Variants in IDE observed in about 807,000 individuals in gnomAD.
IDE encodes insulin degrading enzyme, also known as insulin-degrading enzyme.
Under a neutral mutation model 133.2 loss-of-function variants are expected in IDE, and 58 were observed. That is an observed-to-expected ratio of 0.44 (90% CI 0.35 to 0.54). The LOEUF is 0.54. IDE is among the 20% of genes least tolerant of loss of function. IDE has a pLI of 0.00. For missense variants in IDE, 981 were observed against 1,234.0 expected (o/e 0.79, Z 3.07); for synonymous variants, 396 against 421.3 (o/e 0.94, Z 0.73).
intron 4 of IDE, among the ~76,000 whole-genome samples, chr10:92,529,694 G>A (rs912876050): frequency 6.6e-6 from 1 of 152,046 alleles, no homozygotes. Context: ...GGTCAACATA[G>A]TGAGACCCCA....
intron 9 of IDE, 133 bp from the exon 10 acceptor site, chr10:92,506,655 G>A (rs1848307921): frequency 2.1e-6 from 1 of 474,042 alleles, no homozygotes; most frequent in Non-Finnish European, 3.7e-6. Context: ...CTGAAAAAAT[G>A]GCTATGCTTG....
chr10:92,542,308 C>T (rs1012832093), intron 1 of IDE, among the ~76,000 whole-genome samples: 2 of 152,238 alleles, frequency 1.3e-5, no homozygotes, highest in African/African-American at 4.8e-5. Context: ...GCACTCACCA[C>T]CGTACCCAGC....
chr10:92,497,379 C>G (rs989754477), intron 11 of IDE, among the ~76,000 whole-genome samples: 5 of 152,158 alleles, frequency 3.3e-5, no homozygotes, highest in African/African-American at 1.2e-4. Flanking sequence ...GTTCCCCATC[C>G]TTGGAAGAAG....
intron 1 of IDE, chr10:92,554,861 A>C (rs1371754717): frequency 6.6e-6 from 1 of 152,230 alleles, no homozygotes; most frequent in Non-Finnish European, 1.5e-5. Context: ...ATCTCAAAAA[A>C]AAAACAAACA....
chr10:92,567,398 C>A (rs887439646), intron 1 of IDE, among the ~76,000 whole-genome samples: 2 of 152,172 alleles, frequency 1.3e-5, no homozygotes, highest in Admixed American at 6.6e-5. Flanking sequence ...AATAACTAAA[C>A]TCTGCTGAAT....
intron 1 of IDE, among the ~76,000 whole-genome samples, chr10:92,564,998 C>A (rs922173192): frequency 6.6e-6 from 1 of 151,916 alleles, no homozygotes; most frequent in African/African-American, 2.4e-5. Flanking sequence ...GTAATCCCAG[C>A]ACTTTGGGAG....
At chr10:92,483,376 G>T (rs764725480) in intron 13 of IDE, 39 bp from the exon 14 acceptor site, 2 of 1,084,626 alleles carry the variant, frequency 1.8e-6, no homozygotes, top group Non-Finnish European at 2.8e-6. Context: ...AAATAGAGGC[G>T]CATTCAGCAA....
intron 1 of IDE, among the ~76,000 whole-genome samples, chr10:92,550,856 G>A (rs746958642): frequency 1.4e-4 from 22 of 152,142 alleles, no homozygotes; most frequent in Non-Finnish European, 2.8e-4. Flanking sequence ...GCAACAGAGC[G>A]AGACTCGGTC....
At chr10:92,568,851 C>T (rs914974679) in intron 1 of IDE, among the ~76,000 whole-genome samples, 2 of 151,504 alleles carry the variant, frequency 1.3e-5, no homozygotes, top group African/African-American at 4.9e-5. Flanking sequence ...ATAACAATAC[C>T]TTTACAGGGG....
At chr10:92,536,483 G>C (rs1449991941) in intron 2 of IDE, among the ~76,000 whole-genome samples, 1 of 151,106 alleles carries the variant, frequency 6.6e-6, no homozygotes, top group African/African-American at 2.4e-5. Context: ...CAGATCACCT[G>C]AGGTCAGGAG....
At chr10:92,565,414 A>G (rs1452807426) in intron 1 of IDE, among the ~76,000 whole-genome samples, 1 of 150,834 alleles carries the variant, frequency 6.6e-6, no homozygotes, top group Non-Finnish European at 1.5e-5. Context: ...CATCTCAAAA[A>G]AAAAAAAAAA....
At chr10:92,499,185 G>A (rs1414971099) in intron 11 of IDE, among the ~76,000 whole-genome samples, 1 of 151,646 alleles carries the variant, frequency 6.6e-6, no homozygotes, top group Non-Finnish European at 1.5e-5. Flanking sequence ...TTTATTGGTG[G>A]TTTTTCTTTT....
chr10:92,548,447 C>CACACTCAG (rs1842631701), intron 1 of IDE, among the ~76,000 whole-genome samples: 1 of 147,856 alleles, frequency 6.8e-6, no homozygotes, highest in East Asian at 2.1e-4. Flanking sequence ...ATAGTTGCAT[C>CACACTCAG]ACACTCAGAC....
intron 11 of IDE, among the ~76,000 whole-genome samples, chr10:92,492,393 C>A (rs1246594717): frequency 6.6e-6 from 1 of 152,150 alleles, no homozygotes; most frequent in Admixed American, 6.5e-5. Context: ...TCTAAGCCAT[C>A]CCTGTGTAGC....
intron 1 of IDE, among the ~76,000 whole-genome samples, chr10:92,567,201 A>G (rs1288485018): frequency 6.6e-6 from 1 of 152,142 alleles, no homozygotes; most frequent in Non-Finnish European, 1.5e-5. Flanking sequence ...TTCTCTTGGT[A>G]TGCCTTTGGA....
chr10:92,471,365 A>AT (rs1191528348), intron 17 of IDE, among the ~76,000 whole-genome samples: 2 of 152,238 alleles, frequency 1.3e-5, no homozygotes, highest in Non-Finnish European at 1.5e-5. Context: ...CAGATCAGGA[A>AT]TTTTACAGAT....
chr10:92,502,834 T>C (rs753447966), intron 11 of IDE, among the ~76,000 whole-genome samples: 6 of 152,222 alleles, frequency 3.9e-5, no homozygotes, highest in Non-Finnish European at 8.8e-5. Flanking sequence ...CAATCTCTAA[T>C]GAATTCACAG....
At chr10:92,553,698 A>G in intron 1 of IDE, among the ~76,000 whole-genome samples, 1 of 152,196 alleles carries the variant, frequency 6.6e-6, no homozygotes, top group East Asian at 1.9e-4. Flanking sequence ...AGTGGCTATT[A>G]TGAGCAACTA....
intron 24 of IDE, among the ~76,000 whole-genome samples, chr10:92,455,016 G>A (rs573319966): frequency 9.9e-5 from 15 of 152,222 alleles, no homozygotes; most frequent in African/African-American, 3.1e-4. Context: ...GGGAACAGAT[G>A]TGGCCAGAAA....
Sources: allele counts gnomAD v4.1 joint callset (sites outside exome capture counted in the v4.1 genomes callset), GRCh38; gene constraint gnomAD v4.1.1; transcripts MANE v1.5; gene names NCBI Gene and HGNC (gene_info 2026-07-23, HGNC 2026-07-21).